The following AMZ1 variants were observed in gnomAD, a reference collection of about 807,000 sequenced individuals.
AMZ1 encodes archaemetzincin-1.
AMZ1 carries 39 observed loss-of-function variants against 29.9 expected under a neutral mutation model. The ratio of observed to expected loss-of-function variants is 1.30; its 90% CI spans 1.01 to 1.70. The LOEUF is 1.70. AMZ1 is among the 40% of genes most tolerant of loss of function. AMZ1 has a pLI of 0.00. For missense variants in AMZ1, 1,041 were observed against 680.6 expected (o/e 1.53, Z -5.89); for synonymous variants, 458 against 304.0 (o/e 1.51, Z -5.27).
chr7:2,710,673 G>A (rs991538124), intron 6 of AMZ1, among the ~76,000 whole-genome samples: 1 of 152,238 alleles, frequency 6.6e-6, no homozygotes, highest in Non-Finnish European at 1.5e-5. Flanking sequence ...GAATCTCTCT[G>A]CAGGGATCCT....
At chr7:2,757,079 CG>C (rs956089808) in intron 4 of AMZ1, among the ~76,000 whole-genome samples, 8 of 127,428 alleles carry the variant, frequency 6.3e-5, no homozygotes, top group Non-Finnish European at 5.0e-5. Flanking sequence ...TGTCCCAAGG[CG>C]GGGGAAAAAA....
rs1301440654 is a variant in AMZ1 at position 2,709,766 on chromosome 7, C to G, written c.898C>G (p.Leu300Val). ...RRPLDLCPIC[L>V]RKLQHVLGFR... ...GCCCCTGGACCTCTGTCCCATCTGC[C>G]TGAGGAAGCTGCAGCATGTCCTGGG... Residue 300 changes from leucine to valine, a missense_variant, in exon 6 of 7, where the codon CTG becomes GTG. Coordinates refer to ENST00000683327, the MANE Select transcript of AMZ1 (RefSeq NM_001384743.1). 2 of 1,612,004 alleles carry G rather than the reference C, an allele frequency of 1.2e-6. No homozygotes were observed. The highest frequency in any genetic ancestry group is 1.7e-6 in the Non-Finnish European group (2 of 1,179,870).
At chr7:2,763,677 G>A (rs1187286375), upstream of AMZ1, among the ~76,000 whole-genome samples, 3 of 152,256 alleles carry the variant, frequency 2.0e-5, no homozygotes, top group Admixed American at 6.5e-5. Flanking sequence ...AAGATCCCTG[G>A]TAAGAATGAG....
intron 4 of AMZ1, among the ~76,000 whole-genome samples, chr7:2,733,278 C>T (rs575787641): frequency 4.6e-5 from 7 of 152,286 alleles, no homozygotes; most frequent in South Asian, 2.1e-4. Flanking sequence ...CCCACTGAGA[C>T]GGGGCCCAGA....
At chr7:2,749,908 G>T (rs1324098475) in intron 4 of AMZ1, among the ~76,000 whole-genome samples, 1 of 152,102 alleles carries the variant, frequency 6.6e-6, no homozygotes, top group African/African-American at 2.4e-5. Context: ...GGCATCTTTG[G>T]GGCAATTCCT....
In AMZ1 at chr7:2,715,302, C is replaced by T. The variant is rs1789056821; in HGVS notation, c.*2424C>T. On this transcript the variant is annotated 3_prime_UTR_variant, in exon 7 of 7. Coordinates refer to ENST00000683327, the MANE Select transcript of AMZ1 (RefSeq NM_001384743.1). ...TGGCCATTCATGAACAGTCAGTCAGCCCCACTCGGCGTTCACTGTGGGGAT... is the reference window on the plus strand; with the variant it reads ...TGGCCATTCATGAACAGTCAGTCAGTCCCACTCGGCGTTCACTGTGGGGAT... The T allele has an allele frequency of 6.6e-6, 1 of 152,346 alleles. No homozygotes were observed. The highest frequency in any genetic ancestry group is 1.5e-5 in the Non-Finnish European group (1 of 68,040). The allele number at this position is 152,346 out of a possible 1,614,324, so 9.4% of individuals were successfully genotyped here. A position where few individuals can be genotyped will look rare whatever the true frequency, so the allele number is the denominator to read the frequency against.
intron 4 of AMZ1, among the ~76,000 whole-genome samples, chr7:2,740,113 T>A (rs1429064886): frequency 6.6e-6 from 1 of 152,196 alleles, no homozygotes; most frequent in Non-Finnish European, 1.5e-5. Context: ...TGTTTTCTGA[T>A]TTTTAAAAAC....
At chr7:2,696,442 A>C (rs1322246762) in intron 1 of AMZ1, among the ~76,000 whole-genome samples, 2 of 150,482 alleles carry the variant, frequency 1.3e-5, no homozygotes, top group Admixed American at 6.6e-5. Context: ...TATTTTTAGT[A>C]GAGACGGGGT....
At chr7:2,701,429 G>A (rs1788047610) in intron 2 of AMZ1, among the ~76,000 whole-genome samples, 1 of 152,192 alleles carries the variant, frequency 6.6e-6, no homozygotes, top group African/African-American at 2.4e-5. Flanking sequence ...GGAGGGGCTG[G>A]GCTGAGCAGG....
chr7:2,691,749 T>G (rs199938710), intron 1 of AMZ1, among the ~76,000 whole-genome samples: 9 of 74,804 alleles, frequency 1.2e-4, no homozygotes, highest in African/African-American at 2.8e-4. Flanking sequence ...AAAAAAAAAA[T>G]AAGTGATTTT....
At chr7:2,697,729 A>G (rs1057475927) in intron 1 of AMZ1, among the ~76,000 whole-genome samples, 17 of 152,324 alleles carry the variant, frequency 1.1e-4, no homozygotes, top group South Asian at 2.1e-4. Context: ...TCAGCCAAAA[A>G]CAGCATTTTT....
intron 4 of AMZ1, among the ~76,000 whole-genome samples, chr7:2,742,073 G>A (rs1790534628): frequency 6.6e-6 from 1 of 151,766 alleles, no homozygotes; most frequent in Admixed American, 6.6e-5. Context: ...CCAGGCTAGA[G>A]TGCAGTGGGG....
chr7:2,749,584 C>G (rs549989532), intron 4 of AMZ1, among the ~76,000 whole-genome samples: 3 of 151,934 alleles, frequency 2.0e-5, no homozygotes, highest in African/African-American at 7.2e-5. Flanking sequence ...ATGGGTGCAG[C>G]ACACCAACAT....
At chr7:2,725,120 C>A (rs1425399597) in intron 4 of AMZ1, among the ~76,000 whole-genome samples, 2 of 152,240 alleles carry the variant, frequency 1.3e-5, no homozygotes, top group East Asian at 1.9e-4. Context: ...TCTGCGAGCG[C>A]ACCCTGTGAA....
chr7:2,758,282 T>A (rs537869435), intron 4 of AMZ1, among the ~76,000 whole-genome samples: 2 of 152,354 alleles, frequency 1.3e-5, no homozygotes, highest in African/African-American at 4.8e-5. Flanking sequence ...CCTAGCACTT[T>A]AAGAAAACAA....
At chr7:2,720,360 AGAG>A (rs1196949629), downstream of AMZ1, among the ~76,000 whole-genome samples, 1 of 152,220 alleles carries the variant, frequency 6.6e-6, no homozygotes, top group East Asian at 1.9e-4. Flanking sequence ...TGTGACAAAA[AGAG>A]AAAGACTAGT....
intron 1 of AMZ1, among the ~76,000 whole-genome samples, chr7:2,692,824 C>T (rs921557086): frequency 2.0e-5 from 3 of 152,178 alleles, no homozygotes; most frequent in South Asian, 2.1e-4. Context: ...CCGGCTCCTG[C>T]GCGATGTGTC....
At chr7:2,761,553 T>C (rs1199303303), upstream of AMZ1, among the ~76,000 whole-genome samples, 3 of 152,232 alleles carry the variant, frequency 2.0e-5, no homozygotes, top group African/African-American at 7.2e-5. Context: ...CCCTCCAGAA[T>C]TGTCACTACC....
rs1315725146 is a variant in AMZ1 at position 2,709,633 on chromosome 7, C to T, written c.772-7C>T. 6 of 1,606,068 alleles carry T rather than the reference C, an allele frequency of 3.7e-6. No homozygotes were observed. The highest frequency in any genetic ancestry group is 1.1e-5 in the South Asian group (1 of 90,832). On this transcript the variant is annotated splice_polypyrimidine_tract_variant and splice_region_variant and intron_variant, in intron 5 of 6. Transcript: ENST00000683327. ...TGAGGCAAGGTGCTTGGTGGCCTTC[C>T]CCCCAGGTCACGTGCCACGAGCTCT...
Sources: gnomAD v4.1 joint callset for allele counts (sites outside exome capture counted in the v4.1 genomes callset) on GRCh38, gnomAD v4.1.1 for gene constraint, MANE v1.5 for transcripts, NCBI Gene and HGNC (gene_info 2026-07-23, HGNC 2026-07-21) for gene names.